The following LPA variants were observed in gnomAD, a reference collection of about 807,000 sequenced individuals.
LPA encodes the protein apolipoprotein(a).
In LPA, 199 loss-of-function variants were observed where a neutral mutation model predicts 197.9. That is an observed-to-expected ratio of 1.01 (90% CI 0.90 to 1.13). LPA has a LOEUF of 1.13. Among genes scored for constraint, LPA ranks in the 50% most tolerant of loss-of-function variants. LPA has a pLI of 0.00. For synonymous variants in LPA, 715 were observed against 639.5 expected (o/e 1.12, Z -1.78); for missense variants, 1,853 against 1,785.8 (o/e 1.04, Z -0.68).
chr6:160,582,003 A>G lies in LPA; in HGVS notation c.4289+3043T>C, dbSNP rs1778810632. ...TCCCATATGGTATTATTTTTCTTCTACTTACATAGCATTCTTTCACATCTT... is the reference window on the plus strand; with the variant it reads ...TCCCATATGGTATTATTTTTCTTCTGCTTACATAGCATTCTTTCACATCTT... On this transcript the variant is annotated intron_variant, in intron 26 of 38. Coordinates refer to ENST00000316300, the MANE Select transcript of LPA (RefSeq NM_005577.4). Among the ~76,000 whole-genome samples the G allele has an allele frequency of 1.3e-5, 2 of 152,092 alleles. 1 individual carries two copies. The highest frequency in any genetic ancestry group is 1.3e-4 in the Admixed American group (2 of 15,254).
At chr6:160,653,506 AGT>A (rs750422532) in intron 1 of LPA, among the ~76,000 whole-genome samples, 1,350 of 10,018 alleles carry the variant, frequency 0.13, 9 homozygotes, top group African/African-American at 0.25. Flanking sequence ...CTCAATAATG[AGT>A]AATGAGTTCT....
intron 28 of LPA, among the ~76,000 whole-genome samples, chr6:160,574,885 T>C (rs1056307971): frequency 6.6e-6 from 1 of 152,194 alleles, no homozygotes; most frequent in African/African-American, 2.4e-5. Flanking sequence ...CATGCTGCTC[T>C]GTCCAGAGCT....
At chr6:160,653,938 ATTTT>A in intron 1 of LPA, among the ~76,000 whole-genome samples, 1 of 60,810 alleles carries the variant, frequency 1.6e-5, no homozygotes, top group East Asian at 4.7e-4. Context: ...ATATATATAT[ATTTT>A]ATATATATTA....
chr6:160,610,072 G>A (rs1019697235), intron 16 of LPA, among the ~76,000 whole-genome samples: 2 of 152,164 alleles, frequency 1.3e-5, no homozygotes, highest in African/African-American at 2.4e-5. Context: ...ATACTGATAT[G>A]TCAAATTTTC....
At chr6:160,646,783 C>A in intron 2 of LPA, among the ~76,000 whole-genome samples, 1 of 146,980 alleles carries the variant, frequency 6.8e-6, no homozygotes, top group Non-Finnish European at 1.5e-5. Flanking sequence ...CATGCAAATG[C>A]ATCTGTATCT....
chr6:160,566,908 T>C (rs1778466429), intron 28 of LPA, among the ~76,000 whole-genome samples: 2 of 152,196 alleles, frequency 1.3e-5, no homozygotes, highest in African/African-American at 4.8e-5. Context: ...GGCCATTACA[T>C]AATGGTAAAG....
chr6:160,650,203 A>C, intron 2 of LPA, 135 bp downstream of exon 2: 2 of 823,534 alleles, frequency 2.4e-6, no homozygotes, highest in Admixed American at 3.6e-5. Flanking sequence ...GCTCAAAGTA[A>C]TGTTTCTCAG....
chr6:160,610,510 T>G (rs1259860964), intron 16 of LPA, among the ~76,000 whole-genome samples: 2 of 152,166 alleles, frequency 1.3e-5, no homozygotes, highest in Non-Finnish European at 2.9e-5. Context: ...TAATTGAGCT[T>G]GCTGTTCTCT....
chr6:160,555,238 A>AATTATATTATATTATATTAT lies in LPA; in HGVS notation c.4973+767_4973+786dup, dbSNP rs533211549. Among the ~76,000 whole-genome samples the AATTATATTATATTATATTAT allele has an allele frequency of 2.8e-3, 335 of 119,928 alleles. 3 individuals carry two copies. Among genetic ancestry groups the AATTATATTATATTATATTAT allele is most frequent in the African/African-American group, 4.3e-3 (131 of 30,550 alleles). The allele number at this position is 119,928 out of a possible 152,430, so 78.7% of individuals were successfully genotyped here. A position where few individuals can be genotyped will look rare whatever the true frequency, so the allele number is the denominator to read the frequency against. ...GTGTTCACACAGGTTTATATATATT[A>AATTATATTATATTATATTAT]ATTATATTATATTATATTATATTAT... On this transcript the variant is annotated intron_variant, in intron 30 of 38. Coordinates refer to ENST00000316300, the MANE Select transcript of LPA (RefSeq NM_005577.4).
intron 21 of LPA, among the ~76,000 whole-genome samples, chr6:160,594,588 C>T (rs1267772115): frequency 1.3e-5 from 2 of 152,216 alleles, no homozygotes; most frequent in East Asian, 1.9e-4. Flanking sequence ...AGCGGTCCTG[C>T]ATCTAGGACT....
chr6:160,647,258 C>T (rs1025950253), intron 2 of LPA, among the ~76,000 whole-genome samples: 1 of 152,042 alleles, frequency 6.6e-6, no homozygotes, highest in Admixed American at 6.5e-5. Context: ...TATGGAGGAG[C>T]AAAAAACAAT....
chr6:160,553,919 T>C (rs796695373), intron 30 of LPA, among the ~76,000 whole-genome samples: 145 of 111,412 alleles, frequency 1.3e-3, no homozygotes, highest in South Asian at 4.5e-3. Context: ...CTCTCTCTCT[T>C]TCTCTCTCTC....
At chr6:160,573,505 T>C (rs1403928049) in intron 28 of LPA, among the ~76,000 whole-genome samples, 1 of 152,186 alleles carries the variant, frequency 6.6e-6, no homozygotes, top group Non-Finnish European at 1.5e-5. Context: ...GAGCCTTGTT[T>C]TGTCATATTA....
chr6:160,594,068 T>C lies in LPA; in HGVS notation c.3519A>G (p.Gly1173=). The change falls in exon 22 of 39, where the codon GGA becomes GGG. Residue 1173 remains glycine, a synonymous_variant. Transcript: ENST00000316300. Reference sequence around the variant, plus strand: ...TAGAGAATGAGCCTCGATAACTCTGTCCATCACCATGGTAGCAATCCTGGA... The same window carrying C: ...TAGAGAATGAGCCTCGATAACTCTGCCCATCACCATGGTAGCAATCCTGGA... The part of the protein sequence containing the change: ...PGVQDCYHGD[G]QSYRGSFSTT... 6.2e-7 allele frequency: 1 copy of C among 1,613,940 alleles called. No individual in the cohort carries two copies.
chr6:160,533,966 G>A (rs1777845144), intron 37 of LPA, among the ~76,000 whole-genome samples: 1 of 152,216 alleles, frequency 6.6e-6, no homozygotes, highest in Non-Finnish European at 1.5e-5. Context: ...AGTTTCCAAT[G>A]TTGCAAGCCC....
At chr6:160,656,541 G>A (rs1253953939) in intron 1 of LPA, among the ~76,000 whole-genome samples, 1 of 152,164 alleles carries the variant, frequency 6.6e-6, no homozygotes, top group East Asian at 1.9e-4. Flanking sequence ...CCACAATAAC[G>A]TTTTGGGTAC....
chr6:160,579,792 C>G (rs1339466255), intron 26 of LPA, among the ~76,000 whole-genome samples: 1 of 152,138 alleles, frequency 6.6e-6, no homozygotes, highest in East Asian at 1.9e-4. Flanking sequence ...CCCAGATCCC[C>G]CATTTGAGGA....
chr6:160,572,989 C>T (rs1246680384), intron 28 of LPA, among the ~76,000 whole-genome samples: 2 of 152,138 alleles, frequency 1.3e-5, no homozygotes, highest in Non-Finnish European at 2.9e-5. Flanking sequence ...TCCAGCAAGG[C>T]CAGGTAAGTT....
chr6:160,653,981 A>ATT lies in LPA; in HGVS notation c.50-3485_50-3484insAA, dbSNP rs1472448792. ...ATAATATATATTATATATAATATAT[A>ATT]ATATATAATATATATTATATATAAT... is the stretch of plus-strand genomic sequence containing the variant. On this transcript the variant is annotated intron_variant, in intron 1 of 38. Transcript: ENST00000316300. Among the ~76,000 whole-genome samples the ATT allele has an allele frequency of 2.9e-4, 4 of 13,984 alleles. 1 individual carries two copies. The highest frequency in any genetic ancestry group is 5.1e-4 in the Non-Finnish European group (4 of 7,824). 9.2% of individuals were successfully genotyped at this position (13,984 alleles called of 152,430 possible).
Sources: allele counts gnomAD v4.1 joint callset (sites outside exome capture counted in the v4.1 genomes callset), GRCh38; gene constraint gnomAD v4.1.1; transcripts MANE v1.5; gene names NCBI Gene and HGNC (gene_info 2026-07-23, HGNC 2026-07-21).